The following RIMS1 variants were observed in gnomAD, a reference collection of about 807,000 sequenced individuals.
RIMS1 encodes regulating synaptic membrane exocytosis protein 1.
RIMS1 carries 83 observed loss-of-function variants against 214.1 expected under a neutral mutation model. That is an observed-to-expected ratio of 0.39 (90% confidence interval 0.32 to 0.47). The LOEUF (loss-of-function observed/expected upper bound fraction) is 0.47. Among genes scored for constraint, RIMS1 ranks in the 20% least tolerant of loss-of-function variants. The pLI, the probability that RIMS1 is intolerant of heterozygous loss-of-function variation, is 0.99. For synonymous variants in RIMS1, 793 were observed against 786.8 expected (o/e 1.01, Z -0.13); for missense variants, 2,050 against 2,161.8 (o/e 0.95, Z 1.03).
chr6:71,950,974 T>A (rs1789300976), intron 1 of RIMS1, among the ~76,000 whole-genome samples: 2 of 152,196 alleles, frequency 1.3e-5, no homozygotes, highest in Non-Finnish European at 2.9e-5. Context: ...GTTATAACAT[T>A]TTAGATGAGA....
At chr6:72,304,871 A>G (rs533474126) in intron 26 of RIMS1, among the ~76,000 whole-genome samples, 89 of 152,090 alleles carry the variant, frequency 5.9e-4, no homozygotes, top group African/African-American at 2.1e-3. Flanking sequence ...CGAGAGCAAG[A>G]GTGAGGATAG....
At chr6:72,081,044 G>C (rs772330565) in intron 2 of RIMS1, among the ~76,000 whole-genome samples, 16 of 152,120 alleles carry the variant, frequency 1.1e-4, no homozygotes, top group Non-Finnish European at 2.2e-4. Flanking sequence ...ATCACACACA[G>C]GGTACGTTTC....
chr6:72,079,798 T>C (rs1832835075), intron 2 of RIMS1, among the ~76,000 whole-genome samples: 1 of 151,706 alleles, frequency 6.6e-6, no homozygotes, highest in Non-Finnish European at 1.5e-5. Flanking sequence ...CATGGGAGGA[T>C]TGCCTGAGCC....
At chr6:72,359,316 G>A (rs879557916) in intron 29 of RIMS1, among the ~76,000 whole-genome samples, 5 of 152,154 alleles carry the variant, frequency 3.3e-5, no homozygotes, top group African/African-American at 7.2e-5. Flanking sequence ...GGGGAGATTA[G>A]ATAAACATCT....
intron 6 of RIMS1, among the ~76,000 whole-genome samples, chr6:72,222,088 G>A (rs1158400788): frequency 2.0e-5 from 3 of 151,804 alleles, no homozygotes; most frequent in African/African-American, 7.2e-5. Flanking sequence ...ATGAAAAATT[G>A]ACTTTTTAAC....
intron 29 of RIMS1, among the ~76,000 whole-genome samples, chr6:72,347,107 T>C (rs1018928172): frequency 6.6e-6 from 1 of 151,852 alleles, no homozygotes; most frequent in Non-Finnish European, 1.5e-5. Context: ...TCTATTGATA[T>C]CTCTTGTTAG....
At chr6:71,888,489 C>A (rs753812069) in intron 1 of RIMS1, among the ~76,000 whole-genome samples, 1 of 152,186 alleles carries the variant, frequency 6.6e-6, no homozygotes, top group African/African-American at 2.4e-5. Context: ...GCCTCTCCCC[C>A]ACCCCCTAGA....
intron 2 of RIMS1, among the ~76,000 whole-genome samples, chr6:72,003,274 C>T (rs947227671): frequency 3.9e-4 from 60 of 152,138 alleles, no homozygotes; most frequent in African/African-American, 1.4e-3. Context: ...TTCTGTAGCA[C>T]TGGACACCCT....
chr6:72,182,022 C>T (rs933292512), intron 5 of RIMS1, among the ~76,000 whole-genome samples: 1 of 152,148 alleles, frequency 6.6e-6, no homozygotes, highest in African/African-American at 2.4e-5. Flanking sequence ...CTAACAAGAG[C>T]AACTATGCTT....
At chr6:72,109,448 C>T (rs899102003) in intron 4 of RIMS1, among the ~76,000 whole-genome samples, 4 of 152,106 alleles carry the variant, frequency 2.6e-5, no homozygotes, top group African/African-American at 9.6e-5. Context: ...TCTCTGATGG[C>T]CAGTGATGGT....
Position 72,402,258 on chromosome 6 carries a change from G to C in RIMS1, c.*1544G>C, listed in dbSNP as rs2154464572. 1 of 152,734 alleles carries C rather than the reference G, an allele frequency of 6.5e-6. No individual in the cohort carries two copies. The highest frequency in any genetic ancestry group is 2.1e-4 in the South Asian group (1 of 4,826). 9.5% of individuals were successfully genotyped at this position (152,734 alleles called of 1,614,324 possible). ...TATGTTGCATGTACTTGTACAGTTT[G>C]CTTGTTAATTACTATACCGAAATAA... On this transcript the variant is annotated 3_prime_UTR_variant, in exon 34 of 34. Coordinates refer to ENST00000521978, the MANE Select transcript of RIMS1 (RefSeq NM_014989.7).
intron 1 of RIMS1, among the ~76,000 whole-genome samples, chr6:71,928,170 A>G (rs1782071060): frequency 6.6e-6 from 1 of 152,160 alleles, no homozygotes; most frequent in Non-Finnish European, 1.5e-5. Flanking sequence ...ATATATAAAC[A>G]AATTTATAAG....
chr6:72,119,490 G>T (rs1434945486), intron 4 of RIMS1, among the ~76,000 whole-genome samples: 1 of 151,654 alleles, frequency 6.6e-6, no homozygotes, highest in Non-Finnish European at 1.5e-5. Context: ...AGCCTGAATA[G>T]CCAAAGCAAC....
intron 1 of RIMS1, among the ~76,000 whole-genome samples, chr6:71,928,386 C>T (rs1276063757): frequency 1.2e-4 from 18 of 152,000 alleles, no homozygotes; most frequent in Admixed American, 1.1e-3. Flanking sequence ...ATAGTTTTTC[C>T]TTGTCATTAT....
rs534458467 is a variant in RIMS1, at chr6:71,924,337, C to A, written c.164+37150C>A. Among the ~76,000 whole-genome samples, 129 of 152,194 alleles carry A rather than the reference C, an allele frequency of 8.5e-4. 1 individual carries two copies. The highest frequency in any genetic ancestry group is 2.9e-3 in the African/African-American group (121 of 41,510). On this transcript the variant is annotated intron_variant, in intron 1 of 33. Transcript: ENST00000521978. ...AAATGAGCTTTGCCCACCCAGTAACCAGCTTGGTAATATCATCTGCAGGGA... is the reference window on the plus strand; with the variant it reads ...AAATGAGCTTTGCCCACCCAGTAACAAGCTTGGTAATATCATCTGCAGGGA...
At chr6:72,029,470 C>T (rs1817463748) in intron 2 of RIMS1, among the ~76,000 whole-genome samples, 1 of 152,100 alleles carries the variant, frequency 6.6e-6, no homozygotes, top group Admixed American at 6.6e-5. Context: ...AGGGAGGTGC[C>T]TTGCCCCTCT....
At chr6:72,018,518 A>C (rs939020105) in intron 2 of RIMS1, among the ~76,000 whole-genome samples, 12 of 152,168 alleles carry the variant, frequency 7.9e-5, no homozygotes, top group Admixed American at 6.6e-5. Flanking sequence ...ATATACACAA[A>C]TCTAGAGTTT....
At chr6:72,247,023 T>G (rs1401125291) in intron 11 of RIMS1, among the ~76,000 whole-genome samples, 1 of 152,158 alleles carries the variant, frequency 6.6e-6, no homozygotes, top group African/African-American at 2.4e-5. Flanking sequence ...CAGGCAATGC[T>G]TCATAAACAG....
chr6:72,305,066 T>C (rs1224760660), intron 26 of RIMS1, among the ~76,000 whole-genome samples: 1 of 152,040 alleles, frequency 6.6e-6, no homozygotes, highest in African/African-American at 2.4e-5. Context: ...GAACCATTTT[T>C]AGATTCATGT....
Sources: allele counts gnomAD v4.1 joint callset (sites outside exome capture counted in the v4.1 genomes callset), GRCh38; gene constraint gnomAD v4.1.1; transcripts MANE v1.5; gene names NCBI Gene and HGNC (gene_info 2026-07-23, HGNC 2026-07-21).